The following TRAPPC8 variants were observed in gnomAD, a reference collection of about 807,000 sequenced individuals.
The protein encoded by TRAPPC8 is general sporulation gene 1 homolog.
Under a neutral mutation model 174.3 loss-of-function variants are expected in TRAPPC8, and 54 were observed. That is an observed-to-expected ratio of 0.31 (90% confidence interval 0.25 to 0.39). The LOEUF is 0.39. Among genes scored for constraint, TRAPPC8 ranks in the 10% least tolerant of loss-of-function variants. The probability of loss-of-function intolerance (pLI) is 1.00; values close to 1 mark genes in which losing one functional copy is unlikely to be tolerated. For missense variants in TRAPPC8, 1,531 were observed against 1,699.1 expected (o/e 0.90, Z 1.74); for synonymous variants, 630 against 579.9 (o/e 1.09, Z -1.24).
At chr18:31,931,596 GT>G in intron 1 of TRAPPC8, 73 bp from the exon 2 acceptor site, 1 of 1,171,448 alleles carries the variant, frequency 8.5e-7, no homozygotes, top group Non-Finnish European at 1.2e-6. Flanking sequence ...TGGGCTGATG[GT>G]TTACAAACAA....
chr18:31,890,304 A>AT (rs2035899651), intron 12 of TRAPPC8, among the ~76,000 whole-genome samples: 1 of 152,222 alleles, frequency 6.6e-6, no homozygotes, highest in African/African-American at 2.4e-5. Context: ...ATGTCTATAC[A>AT]TTAAGTATTT....
chr18:31,921,227 C>T (rs11877256), intron 2 of TRAPPC8, among the ~76,000 whole-genome samples: 54,244 of 151,896 alleles, frequency 0.36, 10,208 homozygotes, highest in South Asian at 0.57. Context: ...AGAGAAGTAA[C>T]AGAATAAATC....
At chr18:31,856,807 CT>C (rs79712667) in intron 20 of TRAPPC8, among the ~76,000 whole-genome samples, 2,445 of 109,876 alleles carry the variant, frequency 0.022, 15 homozygotes, top group African/African-American at 0.09. Context: ...ATGCTAAAAT[CT>C]TTTTTTTTTT....
At chr18:31,912,105 T>C (rs2036938079) in intron 5 of TRAPPC8, among the ~76,000 whole-genome samples, 1 of 151,960 alleles carries the variant, frequency 6.6e-6, no homozygotes, top group Non-Finnish European at 1.5e-5. Flanking sequence ...TGAGAGTACA[T>C]AAAGAAGGGA....
At chr18:31,924,462 GAAA>G (rs1183461154) in intron 2 of TRAPPC8, among the ~76,000 whole-genome samples, 1 of 96,868 alleles carries the variant, frequency 1.0e-5, no homozygotes, top group African/African-American at 3.7e-5. Context: ...CCTCCCCACC[GAAA>G]AAAAAAAAAA....
chr18:31,937,342 C>G (rs1007571486), intron 1 of TRAPPC8, among the ~76,000 whole-genome samples: 2 of 152,160 alleles, frequency 1.3e-5, no homozygotes, highest in African/African-American at 4.8e-5. Context: ...ACCGGCTGGG[C>G]AGCATGGCAA....
Position 31,874,585 on chromosome 18 carries a change from C to T in TRAPPC8, c.1848G>A (p.Gln616=), listed in dbSNP as rs140670473. ...TAAAAGCAGACACAGCATTATCCAG[C>T]TGTCTAAGAGTATAGGACTGGCGCC... The part of the protein sequence containing the change: ...TIGRQSYTLR[Q]LDNAVSAFRH... The change falls in exon 13 of 29, where the codon CAG becomes CAA. Residue 616 remains glutamine, a synonymous_variant. Transcript: ENST00000283351. 24 of 1,614,016 alleles carry T rather than the reference C, an allele frequency of 1.5e-5. No individual in the cohort carries two copies. Among genetic ancestry groups the T allele is most frequent in the African/African-American group, 5.3e-5 (4 of 74,930 alleles).
At position 31,830,445 on chromosome 18, in the gene TRAPPC8, G is replaced by C; in HGVS notation, c.*310C>G. On this transcript the variant is annotated 3_prime_UTR_variant, in exon 29 of 29. Transcript: ENST00000283351. ...CATCTCCTAATATTCGTATACCATTGACAAGTTGTAACAGCAGACTTAGAC... is the reference window on the plus strand; with the variant it reads ...CATCTCCTAATATTCGTATACCATTCACAAGTTGTAACAGCAGACTTAGAC... 3.7e-6 allele frequency: 1 copy of C among 270,976 alleles called. No individual in the cohort carries two copies. The allele number at this position is 270,976 out of a possible 1,614,324, so 16.8% of individuals were successfully genotyped here. A position where few individuals can be genotyped will look rare whatever the true frequency, so the allele number is the denominator to read the frequency against.
At chr18:31,836,092 T>A (rs779256412) in intron 27 of TRAPPC8, among the ~76,000 whole-genome samples, 12 of 152,194 alleles carry the variant, frequency 7.9e-5, no homozygotes, top group Non-Finnish European at 1.6e-4. Flanking sequence ...TTATGAAGCA[T>A]TATTGTGGCA....
intron 11 of TRAPPC8, among the ~76,000 whole-genome samples, chr18:31,893,400 T>A (rs1300376719): frequency 6.6e-6 from 1 of 150,486 alleles, no homozygotes; most frequent in Non-Finnish European, 1.5e-5. Flanking sequence ...TGTGTGTGTG[T>A]GTGCGCGCGC....
At chr18:31,872,225 T>G (rs2034903807) in intron 14 of TRAPPC8, among the ~76,000 whole-genome samples, 1 of 152,184 alleles carries the variant, frequency 6.6e-6, no homozygotes, top group African/African-American at 2.4e-5. Context: ...TCTGAGTTAT[T>G]TAATGTAAGA....
At chr18:31,930,801 AG>A (rs2037813685) in intron 2 of TRAPPC8, among the ~76,000 whole-genome samples, 1 of 151,894 alleles carries the variant, frequency 6.6e-6, no homozygotes, top group African/African-American at 2.4e-5. Flanking sequence ...AAAACACAGG[AG>A]GATCACTTGA....
intron 21 of TRAPPC8, among the ~76,000 whole-genome samples, chr18:31,855,185 A>G (rs1381796466): frequency 6.6e-6 from 1 of 152,012 alleles, no homozygotes; most frequent in Admixed American, 6.6e-5. Flanking sequence ...GTCTACAAAG[A>G]AAAAAGAAAA....
In TRAPPC8 at chr18:31,897,870, T is replaced by C; in HGVS notation, c.1512A>G (p.Arg504=). The C allele has an allele frequency of 6.2e-7, 1 of 1,611,592 alleles. No individual in the cohort carries two copies. The highest frequency in any genetic ancestry group is 8.5e-7 in the Non-Finnish European group (1 of 1,178,496). Residue 504 remains arginine (R), a synonymous_variant, in exon 11 of 29, where the codon AGA becomes AGG. Coordinates refer to ENST00000283351, the MANE Select transcript of TRAPPC8 (RefSeq NM_014939.5). ...DICKNMVLAE[R]CVLLSAELLK... is the part of the protein sequence containing the mutation. ...AAAGTTCAGCACTAAGCAACACACA[T>C]CTTTCAGCCAACACCATATTCCTAT...
At chr18:31,852,898 T>C (rs1458278880) in intron 22 of TRAPPC8, 5 of 438,308 alleles carry the variant, frequency 1.1e-5, no homozygotes, top group African/African-American at 6.0e-5. Context: ...TATGTATTCA[T>C]ATATGCGACA....
intron 25 of TRAPPC8, among the ~76,000 whole-genome samples, chr18:31,848,081 A>G (rs1038526141): frequency 3.9e-5 from 6 of 152,032 alleles, no homozygotes; most frequent in Non-Finnish European, 8.8e-5. Flanking sequence ...CATTATCCAG[A>G]ACTCTAACTA....
chr18:31,847,125 A>C (rs907599022), intron 25 of TRAPPC8, among the ~76,000 whole-genome samples: 2 of 152,240 alleles, frequency 1.3e-5, no homozygotes, highest in Non-Finnish European at 2.9e-5. Flanking sequence ...GCTATAACAC[A>C]AGCTGTTTTC....
At chr18:31,931,054 A>T (rs1049662959) in intron 2 of TRAPPC8, among the ~76,000 whole-genome samples, 3 of 152,218 alleles carry the variant, frequency 2.0e-5, no homozygotes, top group Non-Finnish European at 4.4e-5. Context: ...ATGCTTATTT[A>T]ATTATAATAT....
rs185885666 is a variant in TRAPPC8 at position 31,837,075 on chromosome 18, T to C, written c.3983+2237A>G. Among the ~76,000 whole-genome samples the C allele has an allele frequency of 1.4e-4, 21 of 152,196 alleles. No individual in the cohort carries two copies. In the South Asian group the frequency reaches 3.7e-3, roughly 27 times the overall value. On this transcript the variant is annotated intron_variant, in intron 27 of 28. Transcript: ENST00000283351. ...CCGCGCCCGGCCCATCCTTCAGTAT[T>C]TCTTACATTTCCCCAGGTGAACCCT...
Sources: gnomAD v4.1 joint callset for allele counts (sites outside exome capture counted in the v4.1 genomes callset) on GRCh38, gnomAD v4.1.1 for gene constraint, MANE v1.5 for transcripts, NCBI Gene and HGNC (gene_info 2026-07-23, HGNC 2026-07-21) for gene names.